WNK3: variants seen among roughly 807,000 people sequenced by gnomAD.
The protein encoded by WNK3 is WNK lysine deficient protein kinase 3.
WNK3 carries 18 observed loss-of-function variants against 116.7 expected under a neutral mutation model. The observed-to-expected ratio is 0.15, with a 90% confidence interval of 0.11 to 0.23. WNK3 has a LOEUF of 0.23. Among genes scored for constraint, WNK3 ranks in the 10% least tolerant of loss-of-function variants. WNK3 has a pLI of 1.00. For missense variants in WNK3, 993 were observed against 1,323.8 expected (o/e 0.75, Z 3.88); for synonymous variants, 404 against 469.4 (o/e 0.86, Z 1.80).
intron 1 of WNK3, among the ~76,000 whole-genome samples, chrX:54,356,746 A>G (rs2069598802): frequency 9.0e-6 from 1 of 111,295 alleles, no homozygotes; most frequent in South Asian, 3.8e-4. Context: ...TATTCATATA[A>G]TTGTCTCAAT....
intron 17 of WNK3, among the ~76,000 whole-genome samples, chrX:54,241,663 A>G (rs1393224363): frequency 8.9e-6 from 1 of 111,957 alleles, no homozygotes; most frequent in Non-Finnish European, 1.9e-5. Flanking sequence ...GCATAAGTTT[A>G]TAGATAAGAG....
At chrX:54,348,208 G>A (rs1215350041) in intron 1 of WNK3, among the ~76,000 whole-genome samples, 2 of 107,944 alleles carry the variant, frequency 1.9e-5, no homozygotes, top group Non-Finnish European at 3.8e-5. Context: ...AGACAGTCTC[G>A]CTCTGTCATC....
chrX:54,204,278 C>T (rs1016028150), intron 22 of WNK3, among the ~76,000 whole-genome samples: 1 of 110,010 alleles, frequency 9.1e-6, no homozygotes, highest in Non-Finnish European at 1.9e-5. Context: ...ACCACCACGC[C>T]CGGCTAATTT....
At chrX:54,269,972 G>A (rs979584845) in intron 10 of WNK3, among the ~76,000 whole-genome samples, 3 of 111,393 alleles carry the variant, frequency 2.7e-5, no homozygotes, top group African/African-American at 6.5e-5. Context: ...TACACACATA[G>A]CATGGAAAAT....
intron 10 of WNK3, among the ~76,000 whole-genome samples, chrX:54,284,984 A>T (rs143627845): frequency 0.025 from 2,812 of 110,974 alleles, 28 homozygotes; most frequent in Middle Eastern, 0.11. Context: ...AAGAAAAAAA[A>T]AAAGCTACTG....
intron 20 of WNK3, among the ~76,000 whole-genome samples, chrX:54,233,242 T>C (rs1441279511): frequency 2.1e-5 from 2 of 95,965 alleles, no homozygotes; most frequent in Admixed American, 1.2e-4. Flanking sequence ...CTGGGTAACA[T>C]AGGGTGACCC....
intron 22 of WNK3, among the ~76,000 whole-genome samples, chrX:54,208,750 A>G (rs1201055643): frequency 8.9e-6 from 1 of 112,099 alleles, no homozygotes; most frequent in East Asian, 2.8e-4. Flanking sequence ...CAGGTCTCCA[A>G]GGACTCAAGA....
At chrX:54,217,743 C>T (rs1287322530) in intron 22 of WNK3, among the ~76,000 whole-genome samples, 1 of 111,281 alleles carries the variant, frequency 9.0e-6, no homozygotes. Context: ...TAGATCATGC[C>T]ACTACACTCC....
chrX:54,345,264 AC>A (rs1311464152), intron 1 of WNK3, among the ~76,000 whole-genome samples: 2 of 101,729 alleles, frequency 2.0e-5, no homozygotes, highest in African/African-American at 7.3e-5. Context: ...AACAACAACA[AC>A]AACAACAACT....
intron 10 of WNK3, among the ~76,000 whole-genome samples, chrX:54,268,326 A>G (rs1241509425): frequency 4.5e-5 from 5 of 111,169 alleles, no homozygotes; most frequent in African/African-American, 1.6e-4. Context: ...TACAAAAAAT[A>G]AAAACTAAAA....
chrX:54,208,527 A>C (rs1304219805), intron 22 of WNK3, among the ~76,000 whole-genome samples: 1 of 111,017 alleles, frequency 9.0e-6, no homozygotes, highest in Non-Finnish European at 1.9e-5. Context: ...GGCGTGTGCC[A>C]CCATGCCCAA....
chrX:54,316,217 A>C (rs1432486971), intron 2 of WNK3, among the ~76,000 whole-genome samples: 1 of 110,891 alleles, frequency 9.0e-6, no homozygotes, highest in African/African-American at 3.3e-5. Flanking sequence ...TGGGTCCTTG[A>C]TCCAATAGGA....
intron 4 of WNK3, 83 bp downstream of exon 4, chrX:54,309,012 A>G (rs2068856962): frequency 3.6e-6 from 3 of 826,244 alleles, no homozygotes; most frequent in Non-Finnish European, 5.3e-6. Context: ...CCCACTGGCC[A>G]TAGCTGGCTG....
intron 23 of WNK3, among the ~76,000 whole-genome samples, chrX:54,200,320 T>C (rs2067489151): frequency 8.9e-6 from 1 of 111,932 alleles, no homozygotes; most frequent in Admixed American, 9.5e-5. Context: ...GAGGGCTTGG[T>C]ACATAACTGT....
intron 10 of WNK3, among the ~76,000 whole-genome samples, chrX:54,276,284 A>G (rs2068446292): frequency 9.0e-6 from 1 of 111,012 alleles, no homozygotes; most frequent in East Asian, 2.8e-4. Flanking sequence ...GCAGTGAGCC[A>G]AGATTGTGCC....
chrX:54,239,767 G>A (rs1047130711), intron 17 of WNK3, among the ~76,000 whole-genome samples: 8 of 110,971 alleles, frequency 7.2e-5, no homozygotes, highest in Admixed American at 3.9e-4. Flanking sequence ...TCTACTCCCC[G>A]CAAAAGGGCC....
At chrX:54,274,306 CT>C (rs1557160075) in intron 10 of WNK3, among the ~76,000 whole-genome samples, 1 of 111,521 alleles carries the variant, frequency 9.0e-6, no homozygotes, top group Admixed American at 9.6e-5. Context: ...ACTCCCTCCC[CT>C]AACTTCATTC....
In WNK3 at chrX:54,325,666, C is replaced by T. The variant is rs189848521; in HGVS notation, c.537+7471G>A. Among the ~76,000 whole-genome samples the T allele has an allele frequency of 1.0e-4, 7 of 68,610 alleles. No homozygotes were observed. The East Asian group carries it at 2.5e-3, about 24-fold the overall frequency. 59.6% of individuals were successfully genotyped at this position (68,610 alleles called of 115,157 possible). ...TGCACTCCAGCCTGGGCAACAAGAG[C>T]GAAACTCCCTCTCAAAAAAAAAAAA... is the stretch of plus-strand genomic sequence containing the variant. On this transcript the variant is annotated intron_variant, in intron 2 of 23. Transcript: ENST00000354646.
chrX:54,331,477 C>A (rs2069171125), intron 2 of WNK3, among the ~76,000 whole-genome samples: 1 of 109,731 alleles, frequency 9.1e-6, no homozygotes, highest in Non-Finnish European at 1.9e-5. Context: ...AATTTTAGGT[C>A]ATTCTGATGC....
Sources: allele counts gnomAD v4.1 joint callset (sites outside exome capture counted in the v4.1 genomes callset), GRCh38; gene constraint gnomAD v4.1.1; transcripts MANE v1.5; gene names NCBI Gene and HGNC (gene_info 2026-07-23, HGNC 2026-07-21).